Variants in SRPK2 observed in about 807,000 individuals in gnomAD.
SRPK2 encodes the protein SRSF protein kinase 2.
SRPK2 carries 21 observed loss-of-function variants against 90.8 expected under a neutral mutation model. The observed-to-expected ratio is 0.23, with a 90% CI of 0.16 to 0.33. The LOEUF is 0.33. Among genes scored for constraint, SRPK2 ranks in the 10% least tolerant of loss-of-function variants. SRPK2 has a pLI of 1.00. For synonymous variants in SRPK2, 288 were observed against 311.1 expected (o/e 0.93, Z 0.78); for missense variants, 620 against 869.0 (o/e 0.71, Z 3.60).
At chr7:105,202,055 T>G (rs1187300366) in intron 3 of SRPK2, among the ~76,000 whole-genome samples, 1 of 152,148 alleles carries the variant, frequency 6.6e-6, no homozygotes, top group Non-Finnish European at 1.5e-5. Flanking sequence ...CTAGACTGCA[T>G]AGATCTTTGG....
intron 15 of SRPK2, among the ~76,000 whole-genome samples, chr7:105,125,244 A>G (rs2129573212): frequency 6.6e-6 from 1 of 152,284 alleles, no homozygotes; most frequent in African/African-American, 2.4e-5. Flanking sequence ...TGGGCAAATA[A>G]ACAGTTGGAA....
chr7:105,312,908 G>A (rs1251796321), intron 2 of SRPK2, among the ~76,000 whole-genome samples: 2 of 152,244 alleles, frequency 1.3e-5, no homozygotes, highest in East Asian at 3.9e-4. Context: ...CAAGTGCTGG[G>A]ATGACAGGCA....
intron 2 of SRPK2, among the ~76,000 whole-genome samples, chr7:105,333,054 C>T (rs962732525): frequency 6.6e-6 from 1 of 151,972 alleles, no homozygotes; most frequent in Non-Finnish European, 1.5e-5. Flanking sequence ...ATTAGCTGGG[C>T]GTGGTGGCAC....
In SRPK2 at chr7:105,116,427, T is replaced by C. The variant is rs569465202; in HGVS notation, c.*1411A>G. The C allele has an allele frequency of 1.3e-5, 2 of 152,292 alleles. No homozygotes were observed. Among genetic ancestry groups the C allele is most frequent in the Non-Finnish European group, 2.9e-5 (2 of 67,914 alleles). 9.4% of individuals were successfully genotyped at this position (152,292 alleles called of 1,614,324 possible). On this transcript the variant is annotated 3_prime_UTR_variant, in exon 16 of 16. Transcript: ENST00000393651. Reference sequence around the variant, plus strand: ...AATTTTTAAGACAACTGCAAGCACCTCAAACAATGGATTATTGTTACAACA... The same window carrying C: ...AATTTTTAAGACAACTGCAAGCACCCCAAACAATGGATTATTGTTACAACA...
intron 3 of SRPK2, among the ~76,000 whole-genome samples, chr7:105,196,675 A>C (rs986352029): frequency 6.6e-6 from 1 of 152,138 alleles, no homozygotes; most frequent in Non-Finnish European, 1.5e-5. Context: ...CTGTACAAAT[A>C]TTTCTTTTGT....
At chr7:105,169,665 T>C (rs1458288834) in intron 3 of SRPK2, among the ~76,000 whole-genome samples, 1 of 152,144 alleles carries the variant, frequency 6.6e-6, no homozygotes, top group Non-Finnish European at 1.5e-5. Flanking sequence ...AGGTGGAGGC[T>C]GCAATGAGCC....
At chr7:105,244,961 G>C (rs1038678156) in intron 2 of SRPK2, 2 of 1,414,430 alleles carry the variant, frequency 1.4e-6, no homozygotes, top group African/African-American at 2.8e-5. Flanking sequence ...CCGCTGCCAA[G>C]AAAGACTGAG....
chr7:105,157,151 G>T (rs1345226179), intron 7 of SRPK2, among the ~76,000 whole-genome samples: 1 of 152,158 alleles, frequency 6.6e-6, no homozygotes, highest in African/African-American at 2.4e-5. Context: ...ATAAGGGCCT[G>T]AACTAAAGAG....
chr7:105,224,662 C>T (rs1798503477), intron 2 of SRPK2, among the ~76,000 whole-genome samples: 1 of 152,132 alleles, frequency 6.6e-6, no homozygotes, highest in South Asian at 2.1e-4. Context: ...GTAAATACAT[C>T]TCTTATTTAT....
At chr7:105,276,792 C>T (rs544256825) in intron 2 of SRPK2, among the ~76,000 whole-genome samples, 1 of 152,098 alleles carries the variant, frequency 6.6e-6, no homozygotes, top group African/African-American at 2.4e-5. Context: ...GGGAATACTG[C>T]AAGAATATAC....
rs78897526 is a variant in SRPK2, at chr7:105,332,223, G to A, written c.71+56425C>T. Among the ~76,000 whole-genome samples the A allele has an allele frequency of 3.2e-3, 485 of 152,176 alleles. 3 individuals carry two copies. Among genetic ancestry groups the A allele is most frequent in the African/African-American group, 0.011 (466 of 41,522 alleles). On this transcript the variant is annotated intron_variant, in intron 2 of 15. Coordinates refer to ENST00000393651, the MANE Select transcript of SRPK2 (RefSeq NM_182692.3). ...GCCACCTGAAAAAACTAAACAAAAC[G>A]TGAAGCCAAAAGCTGAAGGGGATGA...
intron 2 of SRPK2, among the ~76,000 whole-genome samples, chr7:105,291,412 C>T (rs755558013): frequency 6.6e-6 from 1 of 152,178 alleles, no homozygotes; most frequent in African/African-American, 2.4e-5. Context: ...AGGCCGGACA[C>T]AGTGGCTCAC....
At chr7:105,332,284 G>A (rs1189135453) in intron 2 of SRPK2, among the ~76,000 whole-genome samples, 1 of 152,170 alleles carries the variant, frequency 6.6e-6, no homozygotes, top group East Asian at 1.9e-4. Flanking sequence ...CAACAGAACT[G>A]TAAATTTGGT....
At chr7:105,268,682 G>A (rs1384813899) in intron 2 of SRPK2, 6 of 1,123,230 alleles carry the variant, frequency 5.3e-6, no homozygotes, top group East Asian at 5.1e-5. Context: ...CTTCAATACA[G>A]CACAATACCA....
chr7:105,148,871 G>A (rs1805065889), intron 7 of SRPK2, among the ~76,000 whole-genome samples: 1 of 152,198 alleles, frequency 6.6e-6, no homozygotes, highest in Non-Finnish European at 1.5e-5. Flanking sequence ...TGCAGGACAT[G>A]CCTTGTTAAC....
At chr7:105,219,878 G>A (rs1797891440) in intron 2 of SRPK2, among the ~76,000 whole-genome samples, 5 of 152,194 alleles carry the variant, frequency 3.3e-5, no homozygotes, top group Admixed American at 3.3e-4. Context: ...TTTATTTAGT[G>A]GAGATAATGT....
chr7:105,356,259 G>T (rs1817772903), intron 2 of SRPK2, among the ~76,000 whole-genome samples: 1 of 152,084 alleles, frequency 6.6e-6, no homozygotes, highest in African/African-American at 2.4e-5. Context: ...CTCTGGGTGG[G>T]CTCTCCAACT....
At chr7:105,138,748 G>C (rs527881975) in intron 11 of SRPK2, among the ~76,000 whole-genome samples, 2 of 152,158 alleles carry the variant, frequency 1.3e-5, no homozygotes, top group Non-Finnish European at 2.9e-5. Context: ...GCAGTGAACC[G>C]AGATCACGCC....
chr7:105,196,908 A>G (rs6466047), intron 3 of SRPK2, among the ~76,000 whole-genome samples: 145,383 of 152,064 alleles, frequency 0.96, 69,854 homozygotes, highest in African/African-American at 0.99. Context: ...AAATCAGCTG[A>G]GCATGGTGGT....
Sources: allele counts gnomAD v4.1 joint callset (sites outside exome capture counted in the v4.1 genomes callset), GRCh38; gene constraint gnomAD v4.1.1; transcripts MANE v1.5; gene names NCBI Gene and HGNC (gene_info 2026-07-23, HGNC 2026-07-21).